MORC1: variants seen among roughly 807,000 people sequenced by gnomAD.
MORC1 encodes MORC family CW-type zinc finger protein 1.
A neutral mutation model predicts 134.9 loss-of-function variants in MORC1; 59 were observed. That is an observed-to-expected ratio of 0.44 (90% confidence interval 0.35 to 0.54). The LOEUF (loss-of-function observed/expected upper bound fraction) is 0.54, where lower values mean the gene tolerates loss of function less well. Among genes scored for constraint, MORC1 ranks in the 20% least tolerant of loss-of-function variants. The probability of loss-of-function intolerance (pLI) is 0.00; values close to 1 mark genes in which losing one functional copy is unlikely to be tolerated. For missense variants in MORC1, 947 were observed against 1,134.5 expected (o/e 0.83, Z 2.37); for synonymous variants, 395 against 391.7 (o/e 1.01, Z -0.10).
At chr3:109,080,591 T>C (rs138469461) in intron 8 of MORC1, among the ~76,000 whole-genome samples, 25 of 152,262 alleles carry the variant, frequency 1.6e-4, no homozygotes, top group South Asian at 4.1e-4. Context: ...TAAAAGAAGA[T>C]TGGAATAAGA....
intron 1 of MORC1, among the ~76,000 whole-genome samples, chr3:109,116,104 G>A (rs1053688039): frequency 2.6e-5 from 4 of 152,184 alleles, no homozygotes; most frequent in African/African-American, 9.7e-5. Flanking sequence ...ATGAGGGCAT[G>A]GCTGGGTCAT....
chr3:109,098,838 C>T (rs1038833474), intron 6 of MORC1, among the ~76,000 whole-genome samples: 1 of 152,034 alleles, frequency 6.6e-6, no homozygotes, highest in Admixed American at 6.5e-5. Context: ...AGAGTAGTTC[C>T]TCAACATGTA....
At chr3:109,078,142 C>T (rs551420662) in intron 8 of MORC1, among the ~76,000 whole-genome samples, 4 of 151,916 alleles carry the variant, frequency 2.6e-5, no homozygotes, top group Non-Finnish European at 4.4e-5. Flanking sequence ...GTAGAAGATT[C>T]TAACATACTG....
intron 17 of MORC1, among the ~76,000 whole-genome samples, chr3:109,025,238 G>A (rs565542865): frequency 1.3e-5 from 2 of 152,010 alleles, no homozygotes; most frequent in Non-Finnish European, 2.9e-5. Context: ...GAACAAATCA[G>A]TGTTCAGCTC....
At chr3:109,070,963 C>A (rs1211875567) in intron 8 of MORC1, among the ~76,000 whole-genome samples, 1 of 152,176 alleles carries the variant, frequency 6.6e-6, no homozygotes, top group East Asian at 1.9e-4. Flanking sequence ...GTCCATCACT[C>A]TTATTCCCTA....
In MORC1 at chr3:109,100,462, A is replaced by G; in HGVS notation, c.269T>C (p.Leu90Pro). 1 of 1,613,880 alleles carries G rather than the reference A, an allele frequency of 6.2e-7. No individual in the cohort carries two copies. The highest frequency in any genetic ancestry group is 8.5e-7 in the Non-Finnish European group (1 of 1,179,782). The part of the protein sequence containing the change: ...IIYFGRSKKR[L>P]STLKFIGQYG... Reference sequence around the variant, plus strand: ...TTGCCCTATGAACTTCAAGGTTGACAGCCGTTTTTTGGATCGTCCAAAGTA... The same window carrying G: ...TTGCCCTATGAACTTCAAGGTTGACGGCCGTTTTTTGGATCGTCCAAAGTA... The change falls in exon 5 of 28, where the codon CTG becomes CCG. Residue 90 changes from leucine to proline, a missense_variant. Around this residue, in one of 3 missense-constraint regions of MORC1, gnomAD observed 214 missense variants for 281.3 expected, o/e 0.76. Coordinates refer to ENST00000232603, the MANE Select transcript of MORC1 (RefSeq NM_014429.4).
rs188983854 is a variant in MORC1 at position 108,991,404 on chromosome 3, T to G, written c.2188-4455A>C. Among the ~76,000 whole-genome samples the G allele has an allele frequency of 1.9e-3, 294 of 152,270 alleles. 3 individuals carry two copies. Among genetic ancestry groups the G allele is most frequent in the Middle Eastern group, 6.8e-3 (2 of 294 alleles). Reference sequence around the variant, plus strand: ...ATTGCCTGATGGGTTGAGTGCAGGATGAGAAAGGAGGAGAGAAATTCAGGA... The same window carrying G: ...ATTGCCTGATGGGTTGAGTGCAGGAGGAGAAAGGAGGAGAGAAATTCAGGA... On this transcript the variant is annotated intron_variant, in intron 21 of 27. Transcript: ENST00000232603.
At chr3:109,068,656 T>C (rs1304209946) in intron 9 of MORC1, among the ~76,000 whole-genome samples, 2 of 152,316 alleles carry the variant, frequency 1.3e-5, no homozygotes, top group South Asian at 2.1e-4. Flanking sequence ...CCATTGTGAA[T>C]TGTGGTGCTA....
At chr3:109,027,608 G>A in intron 17 of MORC1, 143 bp downstream of exon 17, 2 of 1,060,808 alleles carry the variant, frequency 1.9e-6, no homozygotes, top group Admixed American at 2.3e-5. Flanking sequence ...ACAGGTCTTA[G>A]ATCCAAAATT....
intron 27 of MORC1, among the ~76,000 whole-genome samples, chr3:108,962,168 A>T (rs1192974241): frequency 6.6e-6 from 1 of 152,202 alleles, no homozygotes; most frequent in African/African-American, 2.4e-5. Flanking sequence ...TTATATAAAA[A>T]TTAGCATTAA....
chr3:108,979,021 C>A (rs1483881074), intron 24 of MORC1, among the ~76,000 whole-genome samples: 1 of 152,130 alleles, frequency 6.6e-6, no homozygotes, highest in Non-Finnish European at 1.5e-5. Flanking sequence ...GAATCATGAA[C>A]TTTTTCCTCT....
chr3:109,082,162 T>G (rs1163441682), intron 8 of MORC1, among the ~76,000 whole-genome samples: 3 of 151,900 alleles, frequency 2.0e-5, no homozygotes, highest in Admixed American at 6.6e-5. Flanking sequence ...GACAGGGCAG[T>G]GCTCTGATGA....
At chr3:109,060,301 C>T (rs1950050619) in intron 11 of MORC1, among the ~76,000 whole-genome samples, 1 of 151,604 alleles carries the variant, frequency 6.6e-6, no homozygotes, top group African/African-American at 2.4e-5. Context: ...TGTTAGTAGC[C>T]AACAGAAAAT....
chr3:109,031,679 T>C (rs1949244555), intron 16 of MORC1, among the ~76,000 whole-genome samples: 2 of 152,132 alleles, frequency 1.3e-5, no homozygotes, highest in South Asian at 2.1e-4. Context: ...TAAAGAAGAA[T>C]AGAACAGTGT....
At chr3:109,103,445 G>A (rs548614664) in intron 4 of MORC1, among the ~76,000 whole-genome samples, 5 of 152,276 alleles carry the variant, frequency 3.3e-5, no homozygotes, top group Admixed American at 2.0e-4. Flanking sequence ...CCTCTACCTC[G>A]AGGTTAAGCA....
chr3:108,998,644 T>C (rs1394831645), intron 21 of MORC1, among the ~76,000 whole-genome samples: 1 of 152,192 alleles, frequency 6.6e-6, no homozygotes, highest in African/African-American at 2.4e-5. Flanking sequence ...ATGATCTTTT[T>C]TTAATTTCTA....
intron 17 of MORC1, among the ~76,000 whole-genome samples, chr3:109,008,967 CT>C (rs1948616525): frequency 6.6e-6 from 1 of 152,036 alleles, no homozygotes; most frequent in Non-Finnish European, 1.5e-5. Flanking sequence ...CTTGACTTTC[CT>C]TTTTGGTTAG....
chr3:109,046,753 T>C (rs999010213), intron 14 of MORC1, among the ~76,000 whole-genome samples: 1 of 152,250 alleles, frequency 6.6e-6, no homozygotes, highest in African/African-American at 2.4e-5. Context: ...ATACAACATG[T>C]GTTATAGGAT....
intron 20 of MORC1, among the ~76,000 whole-genome samples, chr3:109,002,323 T>A (rs911874070): frequency 6.6e-6 from 1 of 152,122 alleles, no homozygotes; most frequent in Non-Finnish European, 1.5e-5. Flanking sequence ...TAAAGCAAGA[T>A]CAGCCTCAGA....
Sources: gnomAD v4.1 joint callset for allele counts (sites outside exome capture counted in the v4.1 genomes callset) on GRCh38, gnomAD v4.1.1 for gene constraint, gnomAD v4.1.1 regional missense constraint, MANE v1.5 for transcripts, NCBI Gene and HGNC (gene_info 2026-07-23, HGNC 2026-07-21) for gene names.